BTBD9: variants seen among roughly 807,000 people sequenced by gnomAD.
BTBD9 encodes BTB domain containing 9.
In BTBD9, 49 loss-of-function variants were observed where a neutral mutation model predicts 64.3. The observed-to-expected ratio is 0.76, with a 90% CI of 0.61 to 0.97. BTBD9 has a LOEUF of 0.97. BTBD9 is among the 50% of genes least tolerant of loss of function. The pLI, the probability that BTBD9 is intolerant of heterozygous loss-of-function variation, is 0.00. For missense variants in BTBD9, 598 were observed against 762.1 expected (o/e 0.78, Z 2.53); for synonymous variants, 260 against 274.7 (o/e 0.95, Z 0.53).
At chr6:38,434,007 T>C (rs934814058) in intron 6 of BTBD9, among the ~76,000 whole-genome samples, 2 of 151,988 alleles carry the variant, frequency 1.3e-5, no homozygotes, top group African/African-American at 4.9e-5. Context: ...CTACAAACCA[T>C]ATATTCTCAG....
chr6:38,541,326 A>G (rs988314899), intron 6 of BTBD9, among the ~76,000 whole-genome samples: 3 of 152,210 alleles, frequency 2.0e-5, no homozygotes, highest in Admixed American at 1.3e-4. Flanking sequence ...CCTTGCATAT[A>G]GAAGGTACTC....
chr6:38,556,499 C>T lies in BTBD9; in HGVS notation c.1154+21101G>A, dbSNP rs553806709. ...GCAAGCATATGGATATTATCTTTGT[C>T]CTATAAAGTGTGTGTGTGTGTGTGT... On this transcript the variant is annotated intron_variant, in intron 6 of 10. Transcript: ENST00000481247. Among the ~76,000 whole-genome samples the T allele has an allele frequency of 3.7e-3, 519 of 142,128 alleles. 9 individuals are homozygous for T. Among genetic ancestry groups the T allele is most frequent in the Middle Eastern group, 0.014 (4 of 276 alleles). 93.2% of individuals were successfully genotyped at this position (142,128 alleles called of 152,430 possible).
rs1322471505 is a variant in BTBD9, at chr6:38,589,909, T to C, written c.814+2667A>G. 2.0e-5 allele frequency among the ~76,000 whole-genome samples: 3 copies of C among 152,324 alleles called. No individual in the cohort carries two copies. The East Asian group carries it at 5.8e-4, about 29-fold the overall frequency. On this transcript the variant is annotated intron_variant, in intron 4 of 10. Coordinates refer to ENST00000481247, the MANE Select transcript of BTBD9 (RefSeq NM_001099272.2). ...TTCCTTCTTCCTTCTCTACCTTAAG[T>C]CCCCTGGCAATAGGTTTTCTCCAAG...
At chr6:38,492,751 C>CA (rs1161358926) in intron 6 of BTBD9, among the ~76,000 whole-genome samples, 1 of 151,922 alleles carries the variant, frequency 6.6e-6, no homozygotes, top group African/African-American at 2.4e-5. Context: ...GTTGATAAAC[C>CA]AAAAAACTGT....
At chr6:38,595,738 C>A (rs1205035836) in intron 2 of BTBD9, 4 of 983,616 alleles carry the variant, frequency 4.1e-6, no homozygotes, top group Non-Finnish European at 4.8e-6. Context: ...TTGAAACCAC[C>A]CAGAAAAGAT....
At chr6:38,319,053 C>T (rs1472383192) in intron 7 of BTBD9, among the ~76,000 whole-genome samples, 1 of 152,216 alleles carries the variant, frequency 6.6e-6, no homozygotes, top group East Asian at 1.9e-4. Context: ...CACAAGCCCA[C>T]AGGGAGTACT....
Position 38,580,312 on chromosome 6 carries a change from T to C in BTBD9, c.940A>G (p.Ile314Val). ...DLDHGFSRHP[I>V]DDDCRSGIEI... ...ATGCCGGAACGGCAGTCATCATCAA[T>C]TGGGTGCCTTGAAAATCCATGATCC... is the stretch of plus-strand genomic sequence containing the variant. Residue 314 changes from isoleucine (I) to valine (V), a missense_variant, in exon 5 of 11, where the codon ATT becomes GTT. By Grantham distance (29) the Ile-to-Val change is conservative (BLOSUM62 3). Coordinates refer to ENST00000481247, the MANE Select transcript of BTBD9 (RefSeq NM_001099272.2). The C allele has an allele frequency of 6.2e-7, 1 of 1,614,234 alleles. No homozygotes were observed. Among genetic ancestry groups the C allele is most frequent in the Non-Finnish European group, 8.5e-7 (1 of 1,180,036 alleles).
chr6:38,220,892 G>C (rs1183075338), intron 9 of BTBD9, among the ~76,000 whole-genome samples: 1 of 152,202 alleles, frequency 6.6e-6, no homozygotes, highest in Non-Finnish European at 1.5e-5. Flanking sequence ...GTCTAGGCTT[G>C]GGGATGCTAC....
Position 38,457,036 on chromosome 6 carries a change from C to T in BTBD9, c.1155-111943G>A, listed in dbSNP as rs574235619. Among the ~76,000 whole-genome samples, 4 of 152,078 alleles carry T rather than the reference C, an allele frequency of 2.6e-5. No individual in the cohort carries two copies. In the East Asian group the frequency reaches 7.7e-4, roughly 29 times the overall value. On this transcript the variant is annotated intron_variant, in intron 6 of 10. Transcript: ENST00000481247. ...AGAAGCCAGACAGAAGAATATCCAG[C>T]GAGAGAGAAGAGCAAAGCAAAAGCG...
chr6:38,407,421 T>G (rs552797850), intron 6 of BTBD9, among the ~76,000 whole-genome samples: 1 of 152,226 alleles, frequency 6.6e-6, no homozygotes, highest in South Asian at 2.1e-4. Context: ...ATGTTATATT[T>G]AAGACCAATT....
chr6:38,179,230 C>A (rs749126786), intron 10 of BTBD9: 42 of 339,518 alleles, frequency 1.2e-4, no homozygotes, highest in Non-Finnish European at 2.4e-4. Flanking sequence ...GTGACAAATT[C>A]AAATAACAAG....
chr6:38,219,811 T>C (rs1298681527), intron 9 of BTBD9, among the ~76,000 whole-genome samples: 1 of 152,152 alleles, frequency 6.6e-6, no homozygotes, highest in East Asian at 1.9e-4. Flanking sequence ...ACATATACAA[T>C]TATAAATCGT....
intron 6 of BTBD9, chr6:38,402,729 T>G: frequency 2.9e-6 from 2 of 688,270 alleles, no homozygotes. Context: ...AAAATAGAGG[T>G]GTATGTTATC....
At chr6:38,406,964 T>C (rs1446645701) in intron 6 of BTBD9, among the ~76,000 whole-genome samples, 5 of 152,204 alleles carry the variant, frequency 3.3e-5, no homozygotes, top group East Asian at 3.9e-4. Context: ...ACATGGTAAG[T>C]AGCAGAACCA....
chr6:38,573,866 G>A (rs953502869), intron 6 of BTBD9, among the ~76,000 whole-genome samples: 2 of 152,074 alleles, frequency 1.3e-5, no homozygotes, highest in South Asian at 2.1e-4. Flanking sequence ...TACTAGGCTC[G>A]ATCATCTAAG....
chr6:38,270,322 C>G (rs923714525), intron 8 of BTBD9, among the ~76,000 whole-genome samples: 10 of 152,108 alleles, frequency 6.6e-5, no homozygotes, highest in African/African-American at 2.4e-4. Context: ...AATGCACATG[C>G]AAGCTTACCC....
At chr6:38,265,264 G>A (rs1764932122) in intron 8 of BTBD9, among the ~76,000 whole-genome samples, 1 of 152,038 alleles carries the variant, frequency 6.6e-6, no homozygotes, top group Non-Finnish European at 1.5e-5. Context: ...CTGGCTCATT[G>A]AGAAAGGGGG....
intron 6 of BTBD9, among the ~76,000 whole-genome samples, chr6:38,541,424 G>A (rs926861754): frequency 6.6e-6 from 1 of 152,158 alleles, no homozygotes; most frequent in African/African-American, 2.4e-5. Context: ...ACTGGAACAT[G>A]GACATAGAGG....
chr6:38,320,600 C>T (rs576519120), intron 7 of BTBD9, among the ~76,000 whole-genome samples: 7 of 152,240 alleles, frequency 4.6e-5, no homozygotes, highest in Non-Finnish European at 7.4e-5. Flanking sequence ...TCCTAGGCAA[C>T]GTCAAGGAAG....
Sources: allele counts gnomAD v4.1 joint callset (sites outside exome capture counted in the v4.1 genomes callset), GRCh38; gene constraint gnomAD v4.1.1; transcripts MANE v1.5; gene names NCBI Gene and HGNC (gene_info 2026-07-23, HGNC 2026-07-21).